Variants in GSS observed in about 807,000 individuals in gnomAD.
GSS encodes the protein GSH synthetase.
GSS carries 34 observed loss-of-function variants against 60.4 expected under a neutral mutation model. The ratio of observed to expected loss-of-function variants is 0.56; its 90% CI spans 0.43 to 0.75. GSS has a LOEUF of 0.75. Ranked by LOEUF, GSS falls within the 30% of genes least tolerant of loss-of-function variation. The pLI is 0.00. For missense variants in GSS, 499 were observed against 595.1 expected (o/e 0.84, Z 1.68); for synonymous variants, 224 against 239.0 (o/e 0.94, Z 0.58).
chr20:34,937,132 C>T (rs966067280), intron 6 of GSS, 109 bp from the exon 7 acceptor site: 4 of 760,744 alleles, frequency 5.3e-6, no homozygotes, highest in South Asian at 2.9e-5. Flanking sequence ...ATAAGAACAC[C>T]GCTTCCCTGA....
chr20:34,945,534 G>A (rs1268959579), intron 3 of GSS, among the ~76,000 whole-genome samples: 5 of 152,138 alleles, frequency 3.3e-5, no homozygotes, highest in Non-Finnish European at 5.9e-5. Flanking sequence ...AAGTGTCGCT[G>A]CTTAGGAGAA....
At chr20:34,941,851 T>C in intron 5 of GSS, 22 bp from the exon 6 acceptor site, 1 of 1,351,022 alleles carries the variant, frequency 7.4e-7, no homozygotes, top group Non-Finnish European at 1.1e-6. Flanking sequence ...GAGATGGCTG[T>C]TCAGTAATTG....
chr20:34,949,515 C>T (rs553130210), intron 2 of GSS: 2 of 151,784 alleles, frequency 1.3e-5, no homozygotes, highest in African/African-American at 2.4e-5. Flanking sequence ...TCAAATACCA[C>T]CCCCCATCTC....
Position 34,942,610 on chromosome 20 carries a change from C to T in GSS, c.369G>A (p.Leu123=). The change falls in exon 5 of 13, where the codon CTG becomes CTA. Residue 123 remains leucine, a synonymous_variant. Coordinates refer to ENST00000651619, the MANE Select transcript of GSS (RefSeq NM_000178.4). ...EGIAQTVFLG[L]NRSDYMFQRS... Reference sequence around the variant, plus strand: ...GCTGGAACATGTAGTCTGAGCGATTCAGGCCCAGGAACACAGTCTGTGGGG... The same window carrying T: ...GCTGGAACATGTAGTCTGAGCGATTTAGGCCCAGGAACACAGTCTGTGGGG... 1 of 1,614,086 alleles carries T rather than the reference C, an allele frequency of 6.2e-7. No individual in the cohort carries two copies. The highest frequency in any genetic ancestry group is 8.5e-7 in the Non-Finnish European group (1 of 1,179,994).
chr20:34,935,764 G>C (rs1285727841), intron 8 of GSS, 122 bp from the exon 9 acceptor site: 1 of 735,078 alleles, frequency 1.4e-6, no homozygotes, highest in Non-Finnish European at 2.4e-6. Context: ...CACAGTGGGA[G>C]CCTGGTCAGG....
intron 9 of GSS, among the ~76,000 whole-genome samples, chr20:34,934,348 CT>C (rs1210003359): frequency 1.3e-5 from 2 of 150,210 alleles, no homozygotes; most frequent in Non-Finnish European, 2.9e-5. Context: ...ATGATCTCAA[CT>C]TACTGCAACC....
intron 9 of GSS, among the ~76,000 whole-genome samples, chr20:34,932,518 T>C (rs6088653): frequency 0.55 from 83,121 of 151,850 alleles, 23,422 homozygotes; most frequent in South Asian, 0.74. Context: ...GCCATTCTAC[T>C]CACACAGGCC....
chr20:34,932,395 C>G (rs537716929), intron 9 of GSS, among the ~76,000 whole-genome samples: 1 of 152,146 alleles, frequency 6.6e-6, no homozygotes, highest in African/African-American at 2.4e-5. Flanking sequence ...CATTTGTCTA[C>G]GTGCTCAGCT....
chr20:34,940,358 C>T (rs1204913580), intron 6 of GSS, among the ~76,000 whole-genome samples: 2 of 152,236 alleles, frequency 1.3e-5, no homozygotes, highest in African/African-American at 4.8e-5. Flanking sequence ...TCTTAAAATA[C>T]AACCTAGCCA....
Position 34,942,534 on chromosome 20 carries a change from A to AG in GSS, c.444dup (p.Ser149LeufsTer24). 1 of 1,614,042 alleles carries AG rather than the reference A, an allele frequency of 6.2e-7. No homozygotes were observed. Among genetic ancestry groups the AG allele is most frequent in the Non-Finnish European group, 8.5e-7 (1 of 1,179,932 alleles). ...GAGGCCAGGCCCCCAAAGCTGGCAG[A>AG]GATGGTGTTGATTTCGATCTGTTTC... On this transcript the variant is annotated frameshift_variant, in exon 5 of 13. Coordinates refer to ENST00000651619, the MANE Select transcript of GSS (RefSeq NM_000178.4). LOFTEE classifies it high-confidence loss of function.
rs769472964 is a variant in GSS at position 34,931,976 on chromosome 20, A to G, written c.992T>C (p.Leu331Pro). 1 of 1,614,156 alleles carries G rather than the reference A, an allele frequency of 6.2e-7. No individual in the cohort carries two copies. The highest frequency in any genetic ancestry group is 1.1e-5 in the South Asian group (1 of 91,084). The change falls in exon 10 of 13, where the codon CTC becomes CCC. Residue 331 changes from leucine (L) to proline (P), a missense_variant. Leu to Pro is a moderately conservative substitution (Grantham distance 98). Transcript: ENST00000651619. ...LPGQPEAVAR[L>P]RATFAGLYSL... ...GTAGAGGCCAGCAAAGGTGGCGCGG[A>G]GGCGGGCCACAGCCTCAGGCTGGCC...
chr20:34,930,516 C>T lies in GSS; in HGVS notation c.1111+820G>A, dbSNP rs74816840. Among the ~76,000 whole-genome samples the T allele has an allele frequency of 7.3e-3, 1,117 of 152,234 alleles. 16 individuals are homozygous for T. The highest frequency in any genetic ancestry group is 0.026 in the African/African-American group (1,077 of 41,520). ...TCCAGTTGGCCCCATAGTCATAGCC[C>T]TAGCCCAGGCCTCTACGTTGCTCTT... On this transcript the variant is annotated intron_variant, in intron 11 of 12. Coordinates refer to ENST00000651619, the MANE Select transcript of GSS (RefSeq NM_000178.4).
intron 4 of GSS, 73 bp downstream of exon 4, chr20:34,942,858 T>C: frequency 8.4e-7 from 1 of 1,196,488 alleles, no homozygotes. Context: ...GACCAAATTC[T>C]TCAAGCAAAA....
In GSS at chr20:34,928,642, G is replaced by A; in HGVS notation, c.*186C>T. ...GCTATACCCACATCTCAAGGATTTG[G>A]GGGCGTCTAGATCTCATCTAAGGGA... On this transcript the variant is annotated 3_prime_UTR_variant, in exon 13 of 13. Transcript: ENST00000651619. 2 of 679,262 alleles carry A rather than the reference G, an allele frequency of 2.9e-6. No individual in the cohort carries two copies. The highest frequency in any genetic ancestry group is 4.3e-5 in the Admixed American group (2 of 46,528). The allele number at this position is 679,262 out of a possible 1,614,324, so 42.1% of individuals were successfully genotyped here.
rs191737061 is a variant in GSS at position 34,954,526 on chromosome 20, C to T, written c.-9+1201G>A. ...CCGAGATCGTGCCATTGCACTCCAG[C>T]CTGGGCAACAAGAGCAAAGCTCTGT... On this transcript the variant is annotated intron_variant, in intron 1 of 12. Coordinates refer to ENST00000651619, the MANE Select transcript of GSS (RefSeq NM_000178.4). 424 of 152,252 alleles carry T rather than the reference C, an allele frequency of 2.8e-3. 5 individuals carry two copies. The highest frequency in any genetic ancestry group is 9.7e-4 in the East Asian group (5 of 5,134). The allele number at this position is 152,252 out of a possible 1,614,324, so 9.4% of individuals were successfully genotyped here.
chr20:34,940,908 C>T (rs1335842062), intron 6 of GSS, among the ~76,000 whole-genome samples: 1 of 152,168 alleles, frequency 6.6e-6, no homozygotes, highest in Non-Finnish European at 1.5e-5. Flanking sequence ...TCTTCAGACC[C>T]AATCATAACA....
At chr20:34,937,851 T>C (rs1247487710) in intron 6 of GSS, among the ~76,000 whole-genome samples, 1 of 152,170 alleles carries the variant, frequency 6.6e-6, no homozygotes, top group African/African-American at 2.4e-5. Context: ...TTTTTTCTTT[T>C]ACATTTTATT....
intron 9 of GSS, chr20:34,934,130 T>G (rs1229417782): frequency 2.0e-5 from 3 of 150,062 alleles, no homozygotes; most frequent in Non-Finnish European, 4.4e-5. Flanking sequence ...TGAGCCGAGA[T>G]CGCACCACTG....
chr20:34,931,547 C>T (rs758107604), intron 10 of GSS, 130 bp from the exon 11 acceptor site: 2 of 755,810 alleles, frequency 2.6e-6, no homozygotes, highest in Non-Finnish European at 4.7e-6. Flanking sequence ...TTCCTTCAGG[C>T]AGGATGCTAC....
Sources: allele counts gnomAD v4.1 joint callset (sites outside exome capture counted in the v4.1 genomes callset), GRCh38; gene constraint gnomAD v4.1.1; transcripts MANE v1.5; gene names NCBI Gene and HGNC (gene_info 2026-07-23, HGNC 2026-07-21).